The following COMMD1 variants were observed in gnomAD, a reference collection of about 807,000 sequenced individuals.
COMMD1 encodes the protein COMM domain-containing protein 1.
COMMD1 carries 10 observed loss-of-function variants against 17.2 expected under a neutral mutation model. That is an observed-to-expected ratio of 0.58 (90% CI 0.36 to 0.99). The LOEUF (loss-of-function observed/expected upper bound fraction) is 0.99. Among genes scored for constraint, COMMD1 ranks in the 50% least tolerant of loss-of-function variants. The pLI is 0.01. For missense variants in COMMD1, 270 were observed against 231.8 expected (o/e 1.17, Z -1.07); for synonymous variants, 97 against 91.6 (o/e 1.06, Z -0.34).
intron 2 of COMMD1, among the ~76,000 whole-genome samples, chr2:62,028,118 G>A (rs1488067740): frequency 6.6e-6 from 1 of 152,166 alleles, no homozygotes. Flanking sequence ...GAAGAATAGA[G>A]TAGCAACTAA....
At chr2:62,000,426 A>G (rs1055453874) in intron 1 of COMMD1, among the ~76,000 whole-genome samples, 3 of 151,512 alleles carry the variant, frequency 2.0e-5, no homozygotes, top group African/African-American at 7.3e-5. Context: ...GATTGCTGTT[A>G]TTGCATATAT....
chr2:62,034,088 C>CAAAAAAA (rs34439318), intron 2 of COMMD1, among the ~76,000 whole-genome samples: 4 of 62,558 alleles, frequency 6.4e-5, no homozygotes, highest in Non-Finnish European at 1.0e-4. Context: ...GACCCTGTCT[C>CAAAAAAA]AAAAAAAAAA....
chr2:61,940,887 A>G (rs2103635623), intron 1 of COMMD1, among the ~76,000 whole-genome samples: 1 of 151,506 alleles, frequency 6.6e-6, no homozygotes, highest in Middle Eastern at 3.5e-3. Flanking sequence ...ATGGGGTTTC[A>G]CCGTGTTAGC....
At chr2:61,988,495 C>A (rs1672163597) in intron 1 of COMMD1, among the ~76,000 whole-genome samples, 1 of 152,168 alleles carries the variant, frequency 6.6e-6, no homozygotes, top group Non-Finnish European at 1.5e-5. Flanking sequence ...CATGACTCTC[C>A]TTGGTGCACT....
intron 1 of COMMD1, among the ~76,000 whole-genome samples, chr2:61,919,553 T>C (rs1481651675): frequency 6.6e-6 from 1 of 151,760 alleles, no homozygotes; most frequent in Non-Finnish European, 1.5e-5. Context: ...GTTTTTTTTT[T>C]TTTTTCATTG....
At chr2:61,913,108 C>T (rs933508497) in intron 1 of COMMD1, among the ~76,000 whole-genome samples, 1 of 151,980 alleles carries the variant, frequency 6.6e-6, no homozygotes, top group African/African-American at 2.4e-5. Context: ...GTGGCTCATG[C>T]CTGTAATCCC....
At chr2:62,106,244 T>C (rs1558602211) in intron 2 of COMMD1, among the ~76,000 whole-genome samples, 2 of 152,366 alleles carry the variant, frequency 1.3e-5, no homozygotes, top group East Asian at 3.9e-4. Context: ...ATGTACATCA[T>C]TTTTAATCAA....
chr2:61,941,163 G>A (rs1445937050), intron 1 of COMMD1, among the ~76,000 whole-genome samples: 2 of 151,916 alleles, frequency 1.3e-5, no homozygotes, highest in African/African-American at 4.8e-5. Context: ...AAGTAGCTGG[G>A]ATTACAGGCA....
intron 1 of COMMD1, among the ~76,000 whole-genome samples, chr2:61,965,567 C>T (rs992364492): frequency 7.2e-5 from 11 of 152,194 alleles, no homozygotes; most frequent in Admixed American, 2.6e-4. Flanking sequence ...TCGGTGATCA[C>T]GACCAACTCT....
upstream of COMMD1, among the ~76,000 whole-genome samples, chr2:61,901,915 C>A (rs1669664492): frequency 6.6e-6 from 1 of 152,022 alleles, no homozygotes; most frequent in Admixed American, 6.5e-5. Flanking sequence ...CTCACTGCAA[C>A]CTCTGCCTCC....
intron 2 of COMMD1, among the ~76,000 whole-genome samples, chr2:62,088,095 A>G (rs980078737): frequency 6.6e-6 from 1 of 152,064 alleles, no homozygotes; most frequent in Non-Finnish European, 1.5e-5. Context: ...TCTCCTTCCT[A>G]CTTTGACTTT....
intron 2 of COMMD1, among the ~76,000 whole-genome samples, chr2:62,020,509 G>A (rs1669581566): frequency 6.6e-6 from 1 of 152,004 alleles, no homozygotes; most frequent in African/African-American, 2.4e-5. Context: ...TTTTCATTTT[G>A]TACTATTTCT....
At chr2:62,014,446 G>A (rs576537937) in intron 2 of COMMD1, among the ~76,000 whole-genome samples, 2 of 140,498 alleles carry the variant, frequency 1.4e-5, no homozygotes, top group South Asian at 4.6e-4. Context: ...CTATTGCCAA[G>A]ATAAATGTAG....
At chr2:61,944,115 C>G (rs112621160) in intron 1 of COMMD1, among the ~76,000 whole-genome samples, 3 of 152,066 alleles carry the variant, frequency 2.0e-5, no homozygotes, top group Non-Finnish European at 4.4e-5. Context: ...ATGAGCCAAT[C>G]GAGATTAATT....
At chr2:62,091,235 A>G (rs1382187981) in intron 2 of COMMD1, among the ~76,000 whole-genome samples, 1 of 152,212 alleles carries the variant, frequency 6.6e-6, no homozygotes, top group African/African-American at 2.4e-5. Flanking sequence ...CTTTTAAAGC[A>G]GCTTCCCATC....
intron 1 of COMMD1, among the ~76,000 whole-genome samples, chr2:61,955,469 G>A (rs769821965): frequency 6.6e-6 from 1 of 152,036 alleles, no homozygotes; most frequent in South Asian, 2.1e-4. Context: ...TAAGTTTTCA[G>A]TTTTGATGAA....
chr2:61,931,523 G>C (rs1558525800), intron 1 of COMMD1, among the ~76,000 whole-genome samples: 1 of 152,194 alleles, frequency 6.6e-6, no homozygotes, highest in South Asian at 2.1e-4. Context: ...AGCCTCTAAA[G>C]GTGTCTTGGA....
intron 1 of COMMD1, chr2:61,915,611 T>C (rs1043498414): frequency 7.1e-5 from 30 of 421,434 alleles, no homozygotes; most frequent in Admixed American, 6.9e-4. Flanking sequence ...CACCTCAGCC[T>C]TTTGAGTAGC....
intron 2 of COMMD1, among the ~76,000 whole-genome samples, chr2:62,011,697 A>AAAGAAAGTTGTTAATAATTAGTGT (rs1669282858): frequency 6.6e-6 from 1 of 152,210 alleles, no homozygotes; most frequent in Non-Finnish European, 1.5e-5. Context: ...GCTCACAGTG[A>AAAGAAAGTTGTTAATAATTAGTGT]AAGAAAGTTG....
Sources: allele counts gnomAD v4.1 joint callset (sites outside exome capture counted in the v4.1 genomes callset), GRCh38; gene constraint gnomAD v4.1.1; transcripts MANE v1.5; gene names NCBI Gene and HGNC (gene_info 2026-07-23, HGNC 2026-07-21).